The following MAP7D1 variants were observed in gnomAD, a reference collection of about 807,000 sequenced individuals.
MAP7D1 encodes MAP7 domain-containing protein 1.
In MAP7D1, 30 loss-of-function variants were observed where a neutral mutation model predicts 97.5. That is an observed-to-expected ratio of 0.31 (90% CI 0.23 to 0.42). The LOEUF is 0.42. Among genes scored for constraint, MAP7D1 ranks in the 10% least tolerant of loss-of-function variants. The pLI, the probability that MAP7D1 is intolerant of heterozygous loss-of-function variation, is 1.00. For synonymous variants in MAP7D1, 536 were observed against 477.1 expected (o/e 1.12, Z -1.61); for missense variants, 1,184 against 1,179.5 (o/e 1.00, Z -0.06).
intron 6 of MAP7D1, 61 bp downstream of exon 6, chr1:36,175,069 C>A: frequency 8.8e-7 from 1 of 1,134,598 alleles, no homozygotes; most frequent in South Asian, 1.2e-5. Flanking sequence ...CAAGCCTCCT[C>A]CAGAGCTCAG....
Position 36,171,288 on chromosome 1 carries a change from G to A in MAP7D1, c.364G>A (p.Ala122Thr). Reference sequence around the variant, plus strand: ...CCAGCCATCTCCAACAGCAGTGCCAGCCTCCGACAGCCCTCCCACCAAGCA... The same window carrying A: ...CCAGCCATCTCCAACAGCAGTGCCAACCTCCGACAGCCCTCCCACCAAGCA... ...SSQPSPTAVP[A>T]SDSPPTKQEV... Residue 122 changes from alanine to threonine, a missense_variant, in exon 2 of 17, where the codon GCC (alanine) becomes ACC (threonine). Transcript: ENST00000474796. 1 of 1,570,558 alleles carries A rather than the reference G, an allele frequency of 6.4e-7. No homozygotes were observed. Among genetic ancestry groups the A allele is most frequent in the South Asian group, 1.2e-5 (1 of 84,386 alleles).
chr1:36,168,353 T>A (rs1410608872), intron 1 of MAP7D1, among the ~76,000 whole-genome samples: 1 of 151,500 alleles, frequency 6.6e-6, no homozygotes, highest in African/African-American at 2.4e-5. Context: ...TCTGTGTGGA[T>A]CACTTTGCAG....
chr1:36,171,952 A>AC (rs1557777279), intron 3 of MAP7D1: 1 of 221,222 alleles, frequency 4.5e-6, no homozygotes, highest in Non-Finnish European at 9.2e-6. Flanking sequence ...AAAAAAAAAA[A>AC]AAAAAACCAA....
rs1644406723 is a variant in MAP7D1 at position 36,161,351 on chromosome 1, C to T, written c.46+4888C>T. The stretch of plus-strand genomic sequence containing the variant: ...CAGAGTTTGCCCTTTCTACTGACCT[C>T]CTATTCTCCCAGCCCAGATCTCTCC... On this transcript the variant is annotated intron_variant, in intron 1 of 16. Coordinates refer to ENST00000474796, the MANE Select transcript of MAP7D1 (RefSeq NM_001388490.1). Among the ~76,000 whole-genome samples, 5 of 152,192 alleles carry T rather than the reference C, an allele frequency of 3.3e-5. No homozygotes were observed. In the South Asian group the frequency reaches 1.0e-3, roughly 31 times the overall value.
At position 36,159,921 on chromosome 1, in the gene MAP7D1, A is replaced by G. The variant is rs72661696; in HGVS notation, c.46+3458A>G. Among the ~76,000 whole-genome samples the G allele has an allele frequency of 0.079, 12,015 of 152,248 alleles. 662 individuals are homozygous for G. The highest frequency in any genetic ancestry group is 0.13 in the Middle Eastern group (39 of 294). ...TCCTGGGCTGGTGGGCCCAATAATG[A>G]GGCCTCTAATGAGCCCCTAATGTGC... On this transcript the variant is annotated intron_variant, in intron 1 of 16. Transcript: ENST00000474796. This position sits in a 1 kb window ranked among gnomAD's most constrained non-coding sequence, Gnocchi z 5.4.
In MAP7D1 at chr1:36,178,061, C is replaced by G. The variant is rs781456264; in HGVS notation, c.1568C>G (p.Pro523Arg). ...EAKESPSAAG[P>R]EDKSQSKRRA... ...AAGGAGAGCCCCAGCGCCGCAGGGCCCGAGGACAAGAGCCAGAGCAAGCGC... is the reference window on the plus strand; with the variant it reads ...AAGGAGAGCCCCAGCGCCGCAGGGCGCGAGGACAAGAGCCAGAGCAAGCGC... The change falls in exon 9 of 17, where the codon CCC (proline) becomes CGC (arginine). Residue 523 changes from proline (P) to arginine (R), a missense_variant. Coordinates refer to ENST00000474796, the MANE Select transcript of MAP7D1 (RefSeq NM_001388490.1). 5 of 1,611,860 alleles carry G rather than the reference C, an allele frequency of 3.1e-6. No individual in the cohort carries two copies. The highest frequency in any genetic ancestry group is 1.7e-4 in the Middle Eastern group (1 of 6,054).
intron 1 of MAP7D1, among the ~76,000 whole-genome samples, chr1:36,161,880 T>TGTGTGTGTGG (rs1644416572): frequency 4.8e-5 from 1 of 20,986 alleles, no homozygotes; most frequent in Non-Finnish European, 3.0e-4. Flanking sequence ...TGTGTGTATG[T>TGTGTGTGTGG]GTGTGTGTGT....
intron 1 of MAP7D1, among the ~76,000 whole-genome samples, chr1:36,166,160 C>T (rs753876478): frequency 2.0e-5 from 3 of 152,126 alleles, no homozygotes; most frequent in Non-Finnish European, 4.4e-5. Flanking sequence ...AGAGAAACAG[C>T]CACTGAGGAA....
At chr1:36,166,818 A>G (rs755496587) in intron 1 of MAP7D1, among the ~76,000 whole-genome samples, 1 of 152,222 alleles carries the variant, frequency 6.6e-6, no homozygotes, top group Non-Finnish European at 1.5e-5. Flanking sequence ...ATAGAAGTGG[A>G]GACAGTGAGA....
intron 1 of MAP7D1, among the ~76,000 whole-genome samples, chr1:36,169,815 G>A (rs1241032617): frequency 6.6e-6 from 1 of 152,078 alleles, no homozygotes; most frequent in East Asian, 1.9e-4. Context: ...ACTAGCTTGG[G>A]CTTGTTATCC....
In MAP7D1 at chr1:36,179,034, A is replaced by C. The variant is rs1644675400; in HGVS notation, c.2130+9A>C. 3 of 1,200,092 alleles carry C rather than the reference A, an allele frequency of 2.5e-6. No individual in the cohort carries two copies. Among genetic ancestry groups the C allele is most frequent in the Non-Finnish European group, 3.4e-6 (3 of 891,042 alleles). The allele number at this position is 1,200,092 out of a possible 1,614,324, so 74.3% of individuals were successfully genotyped here. ...GGCAAGAGCGCAGAAAGGTGTGCGG[A>C]CCTGGGCGGGGATTTGTGGGCGGGG... On this transcript the variant is annotated intron_variant, in intron 12 of 16. Transcript: ENST00000474796.
In MAP7D1 at chr1:36,176,180, C is replaced by T. The variant is rs760462947; in HGVS notation, c.851-19C>T. On this transcript the variant is annotated intron_variant, in intron 6 of 16. Transcript: ENST00000474796. The surrounding 1 kb of genome is among the most constrained non-coding windows in gnomAD (Gnocchi z 6.1). ...ACGGCCCCCACGGTGACCGGCTTCG[C>T]CTGGCCTTCTACCCCCAGATCGCAG... 2.1e-5 allele frequency: 34 copies of T among 1,603,436 alleles called. No individual in the cohort carries two copies. Among genetic ancestry groups the T allele is most frequent in the Non-Finnish European group, 2.7e-5 (32 of 1,178,214 alleles).
At chr1:36,179,490 T>C in intron 13 of MAP7D1, 25 bp from the exon 14 acceptor site, 1 of 1,579,756 alleles carries the variant, frequency 6.3e-7, no homozygotes, top group South Asian at 1.2e-5. Flanking sequence ...CCCTTGAGCC[T>C]GACTGCTCTT....
chr1:36,164,942 T>C (rs573546487), intron 1 of MAP7D1, among the ~76,000 whole-genome samples: 7 of 152,332 alleles, frequency 4.6e-5, no homozygotes, highest in Admixed American at 2.0e-4. Flanking sequence ...TGCCAGGCTC[T>C]GTTGGCCCTA....
At chr1:36,170,577 G>T (rs371959912) in intron 1 of MAP7D1, among the ~76,000 whole-genome samples, 2 of 152,126 alleles carry the variant, frequency 1.3e-5, no homozygotes, top group Non-Finnish European at 2.9e-5. Flanking sequence ...CTGCCCCTTC[G>T]CATATACTCT....
intron 5 of MAP7D1, among the ~76,000 whole-genome samples, chr1:36,174,102 C>A (rs1300326121): frequency 1.3e-5 from 2 of 152,148 alleles, no homozygotes; most frequent in Non-Finnish European, 2.9e-5. Flanking sequence ...TGCAGCGTAA[C>A]CTTTAACTTC....
chr1:36,176,410 C>G lies in MAP7D1; in HGVS notation c.1062C>G (p.Pro354=). 6.5e-7 allele frequency: 1 copy of G among 1,533,802 alleles called. No individual in the cohort carries two copies. The highest frequency in any genetic ancestry group is 8.7e-7 in the Non-Finnish European group (1 of 1,148,510). The change falls in exon 7 of 17, where the codon CCC becomes CCG. Residue 354 remains proline (P), a synonymous_variant. Coordinates refer to ENST00000474796, the MANE Select transcript of MAP7D1 (RefSeq NM_001388490.1). This position sits in a 1 kb window ranked among gnomAD's most constrained non-coding sequence, Gnocchi z 6.1. The part of the protein sequence containing the change: ...ARGPQPDRTH[P]SAAVPVCPRS... Reference sequence around the variant, plus strand: ...GGCCGCAACCCGACCGCACTCATCCCTCTGCAGCCGTGCCGGTGTGCCCGC... The same window carrying G: ...GGCCGCAACCCGACCGCACTCATCCGTCTGCAGCCGTGCCGGTGTGCCCGC...
At position 36,176,104 on chromosome 1, in the gene MAP7D1, C is replaced by A; in HGVS notation, c.851-95C>A. The A allele has an allele frequency of 7.0e-7, 1 of 1,429,864 alleles. No individual in the cohort carries two copies. Among genetic ancestry groups the A allele is most frequent in the Non-Finnish European group, 9.4e-7 (1 of 1,061,024 alleles). 88.6% of individuals were successfully genotyped at this position (1,429,864 alleles called of 1,614,324 possible). A position where few individuals can be genotyped will look rare whatever the true frequency, so the allele number is the denominator to read the frequency against. ...GGACTCCCGGGTGAGAAGCCTTGGC[C>A]TTGGCATGGGGATGGTGCCTGGTCT... On this transcript the variant is annotated intron_variant, in intron 6 of 16. Transcript: ENST00000474796. The surrounding 1 kb of genome is among the most constrained non-coding windows in gnomAD (Gnocchi z 6.1).
chr1:36,178,087 AG>A lies in MAP7D1; in HGVS notation c.1597del (p.Ala533ProfsTer42). On this transcript the variant is annotated frameshift_variant, in exon 9 of 17. Transcript: ENST00000474796. LOFTEE classifies it high-confidence loss of function. Reference sequence around the variant, plus strand: ...CGAGGACAAGAGCCAGAGCAAGCGCAGGGCCAGTAACGAGAAGGAGTCAGCA... The same window carrying A: ...CGAGGACAAGAGCCAGAGCAAGCGCAGGCCAGTAACGAGAAGGAGTCAGCA... ...GPEDKSQSKR[R>X]ASNEKESAAP... is the part of the protein sequence containing the mutation. 1 of 1,606,140 alleles carries A rather than the reference AG, an allele frequency of 6.2e-7. No individual in the cohort carries two copies. The highest frequency in any genetic ancestry group is 8.5e-7 in the Non-Finnish European group (1 of 1,176,748).
Sources: allele counts gnomAD v4.1 joint callset (sites outside exome capture counted in the v4.1 genomes callset), GRCh38; gene constraint gnomAD v4.1.1; non-coding constraint Gnocchi (gnomAD v3.1); transcripts MANE v1.5; gene names NCBI Gene and HGNC (gene_info 2026-07-23, HGNC 2026-07-21).